BAK1: variants seen among roughly 807,000 people sequenced by gnomAD.
The protein encoded by BAK1 is bcl-2 homologous antagonist/killer.
In BAK1, 19 loss-of-function variants were observed where a neutral mutation model predicts 24.7. The ratio of observed to expected loss-of-function variants is 0.77; its 90% CI spans 0.54 to 1.13. The LOEUF is 1.13. Among genes scored for constraint, BAK1 ranks in the 50% most tolerant of loss-of-function variants. The pLI is 0.00. For missense variants in BAK1, 194 were observed against 279.4 expected (o/e 0.69, Z 2.18); for synonymous variants, 86 against 107.3 (o/e 0.80, Z 1.23).
rs1042048544 is a variant in BAK1 at position 33,573,491 on chromosome 6, G to A, written c.*312C>T. The A allele has an allele frequency of 2.0e-4, 78 of 384,580 alleles. No individual in the cohort carries two copies. Among genetic ancestry groups the A allele is most frequent in the African/African-American group, 1.5e-3 (76 of 50,302 alleles). The allele number at this position is 384,580 out of a possible 1,614,324, so 23.8% of individuals were successfully genotyped here. A position where few individuals can be genotyped will look rare whatever the true frequency, so the allele number is the denominator to read the frequency against. ...ACTTTCTGGGGAGAAGTGGCTCCCA[G>A]TCTCTTGCCTCCCCAAGTTATCAGT... is the stretch of plus-strand genomic sequence containing the variant. On this transcript the variant is annotated 3_prime_UTR_variant, in exon 6 of 6. Coordinates refer to ENST00000374467, the MANE Select transcript of BAK1 (RefSeq NM_001188.4).
Position 33,574,494 on chromosome 6 carries a change from C to T in BAK1, c.351-280G>A, listed in dbSNP as rs1451829630. On this transcript the variant is annotated intron_variant, in intron 4 of 5. Coordinates refer to ENST00000374467, the MANE Select transcript of BAK1 (RefSeq NM_001188.4). Reference sequence around the variant, plus strand: ...GGGCAGAGCAAGTGGATGGAGTCAGCGGGGAGATTACCTGTGGGTGTTGCT... The same window carrying T: ...GGGCAGAGCAAGTGGATGGAGTCAGTGGGGAGATTACCTGTGGGTGTTGCT... 14 of 1,457,942 alleles carry T rather than the reference C, an allele frequency of 9.6e-6. 1 individual carries two copies. The Middle Eastern group carries it at 1.1e-3, about 111-fold the overall frequency. 90.3% of individuals were successfully genotyped at this position (1,457,942 alleles called of 1,614,324 possible).
At position 33,575,672 on chromosome 6, in the gene BAK1, G is replaced by A; in HGVS notation, c.206+121C>T. ...GGTGGGAGCCCAACATAAAAGAGGA[G>A]CAACCATGAGAGAAGGGCAAGACCC... On this transcript the variant is annotated intron_variant, in intron 3 of 5. Transcript: ENST00000374467. This position sits in a 1 kb window ranked among gnomAD's most constrained non-coding sequence, Gnocchi z 6.3. The A allele has an allele frequency of 6.8e-7, 1 of 1,460,854 alleles. No individual in the cohort carries two copies. The highest frequency in any genetic ancestry group is 9.2e-7 in the Non-Finnish European group (1 of 1,084,242). 90.5% of individuals were successfully genotyped at this position (1,460,854 alleles called of 1,614,324 possible).
rs1243402844 is a variant in BAK1, at chr6:33,575,947, A to T, written c.71-19T>A. On this transcript the variant is annotated intron_variant, in intron 2 of 5. Transcript: ENST00000374467. This position sits in a 1 kb window ranked among gnomAD's most constrained non-coding sequence, Gnocchi z 6.3. ...TGCTCCTCTGAGGATCAAAGCTGGG[A>T]GTCAGGGAGAGAGGGCCGAACCCTG... The T allele has an allele frequency of 6.2e-7, 1 of 1,613,926 alleles. No individual in the cohort carries two copies. Among genetic ancestry groups the T allele is most frequent in the African/African-American group, 1.3e-5 (1 of 75,026 alleles).
In BAK1 at chr6:33,575,155, G is replaced by A. The variant is rs2151255522; in HGVS notation, c.350+143C>T. 7.7e-7 allele frequency: 1 copy of A among 1,292,428 alleles called. No homozygotes were observed. The highest frequency in any genetic ancestry group is 1.9e-5 in the Admixed American group (1 of 53,916). The allele number at this position is 1,292,428 out of a possible 1,614,324, so 80.1% of individuals were successfully genotyped here. On this transcript the variant is annotated intron_variant, in intron 4 of 5. Coordinates refer to ENST00000374467, the MANE Select transcript of BAK1 (RefSeq NM_001188.4). The surrounding 1 kb of genome is among the most constrained non-coding windows in gnomAD (Gnocchi z 6.3). ...CCGAAAGAGAAAAATAGGGGGCCGAGACCACATGTGAGTTCACAGCAGACA... is the reference window on the plus strand; with the variant it reads ...CCGAAAGAGAAAAATAGGGGGCCGAAACCACATGTGAGTTCACAGCAGACA...
At chr6:33,574,595 T>TA (rs1762812544) in intron 4 of BAK1, 2 of 1,277,438 alleles carry the variant, frequency 1.6e-6, no homozygotes, top group African/African-American at 1.5e-5. Context: ...ATCACAGTGG[T>TA]ATGAAGGCTG....
At chr6:33,576,358 T>C (rs986417802) in intron 2 of BAK1, among the ~76,000 whole-genome samples, 46 of 130,202 alleles carry the variant, frequency 3.5e-4, no homozygotes, top group South Asian at 7.3e-4. Flanking sequence ...TGGCCGGGTG[T>C]GGTGGCTCAT....
Position 33,578,267 on chromosome 6 carries a change from T to C in BAK1, c.-31-632A>G, listed in dbSNP as rs866122583. Among the ~76,000 whole-genome samples the C allele has an allele frequency of 6.6e-6, 1 of 152,080 alleles. No individual in the cohort carries two copies. The highest frequency in any genetic ancestry group is 2.1e-4 in the South Asian group (1 of 4,826). On this transcript the variant is annotated intron_variant, in intron 1 of 5. Transcript: ENST00000374467. The surrounding 1 kb of genome is among the most constrained non-coding windows in gnomAD (Gnocchi z 4.8). ...CATTTCCTGAGAGCCTAAGATATAC[T>C]CTCCCACTTAGGAGCACTCTGTGGG...
In BAK1 at chr6:33,577,510, G is replaced by A; in HGVS notation, c.70+25C>T. On this transcript the variant is annotated intron_variant, in intron 2 of 5. Transcript: ENST00000374467. The surrounding 1 kb of genome is among the most constrained non-coding windows in gnomAD (Gnocchi z 4.6). ...CGACAGCACTCATGGTTATGGGATGGGTGAGGGGGCAGGAAGACCCTTACC... is the reference window on the plus strand; with the variant it reads ...CGACAGCACTCATGGTTATGGGATGAGTGAGGGGGCAGGAAGACCCTTACC... The A allele has an allele frequency of 6.5e-7, 1 of 1,534,268 alleles. No homozygotes were observed.
At position 33,578,888 on chromosome 6, in the gene BAK1, G is replaced by A. The variant is rs1006451161; in HGVS notation, c.-32+1137C>T. On this transcript the variant is annotated intron_variant, in intron 1 of 5. Coordinates refer to ENST00000374467, the MANE Select transcript of BAK1 (RefSeq NM_001188.4). The surrounding 1 kb of genome is among the most constrained non-coding windows in gnomAD (Gnocchi z 4.8). ...CCAAGCACACAGCCCCACCCCCACC[G>A]CCCAGGGCCTGGGGACCTTCGCCCA... is the stretch of plus-strand genomic sequence containing the variant. Among the ~76,000 whole-genome samples the A allele has an allele frequency of 1.3e-5, 2 of 151,826 alleles. No homozygotes were observed. Among genetic ancestry groups the A allele is most frequent in the African/African-American group, 4.8e-5 (2 of 41,324 alleles).
At position 33,575,740 on chromosome 6, in the gene BAK1, C is replaced by T. The variant is rs1424212631; in HGVS notation, c.206+53G>A. 18 of 1,596,324 alleles carry T rather than the reference C, an allele frequency of 1.1e-5. No individual in the cohort carries two copies. The highest frequency in any genetic ancestry group is 3.4e-5 in the Admixed American group (2 of 59,106). On this transcript the variant is annotated intron_variant, in intron 3 of 5. Transcript: ENST00000374467. The surrounding 1 kb of genome is among the most constrained non-coding windows in gnomAD (Gnocchi z 6.3). ...CCCAGGACCTGCACAGAGACCCATG[C>T]GAGCTACTGCCTCCCTGAAGATGTC...
chr6:33,578,944 C>T lies in BAK1; in HGVS notation c.-32+1081G>A, dbSNP rs1478151730. ...CTTCCGCTAGGCCTGGGAGTGTTTT[C>T]GAAAGTGCCCCAAGAGCTCTCAAGA... is the stretch of plus-strand genomic sequence containing the variant. On this transcript the variant is annotated intron_variant, in intron 1 of 5. Transcript: ENST00000374467. This position sits in a 1 kb window ranked among gnomAD's most constrained non-coding sequence, Gnocchi z 4.8. Among the ~76,000 whole-genome samples the T allele has an allele frequency of 2.6e-5, 4 of 152,054 alleles. No individual in the cohort carries two copies. The highest frequency in any genetic ancestry group is 4.8e-5 in the African/African-American group (2 of 41,392).
chr6:33,574,604 T>C, intron 4 of BAK1: 1 of 1,241,568 alleles, frequency 8.1e-7, no homozygotes, highest in Non-Finnish European at 1.1e-6. Flanking sequence ...GTATGAAGGC[T>C]GGCCTCTAAG....
In BAK1 at chr6:33,577,146, A is replaced by G. The variant is rs935579373; in HGVS notation, c.70+389T>C. Among the ~76,000 whole-genome samples the G allele has an allele frequency of 2.6e-5, 4 of 152,020 alleles. No homozygotes were observed. The highest frequency in any genetic ancestry group is 1.3e-4 in the Admixed American group (2 of 15,274). On this transcript the variant is annotated intron_variant, in intron 2 of 5. Coordinates refer to ENST00000374467, the MANE Select transcript of BAK1 (RefSeq NM_001188.4). This position sits in a 1 kb window ranked among gnomAD's most constrained non-coding sequence, Gnocchi z 4.6. The stretch of plus-strand genomic sequence containing the variant: ...TCTTACTTCCTCCCCAAGTCACAAT[A>G]ATTGCGTTCCCTGTTGAGCAGACCT...
At chr6:33,574,426 C>T in intron 4 of BAK1, 1 of 1,496,148 alleles carries the variant, frequency 6.7e-7, no homozygotes, top group Non-Finnish European at 9.0e-7. Flanking sequence ...GATGCCACTG[C>T]TGGGGTGTAC....
rs1450407502 is a variant in BAK1 at position 33,573,851 on chromosome 6, A to G, written c.588T>C (p.Gly196=). 6.2e-7 allele frequency: 1 copy of G among 1,614,082 alleles called. No individual in the cohort carries two copies. Among genetic ancestry groups the G allele is most frequent in the Non-Finnish European group, 8.5e-7 (1 of 1,179,998 alleles). The part of the protein sequence containing the change: ...GPILNVLVVL[G]VVLLGQFVVR... ...CCACAAACTGGCCCAACAGAACCAC[A>G]CCCAGAACCACCAGCACGTTCAGGA... The change falls in exon 6 of 6, where the codon GGT becomes GGC. Residue 196 remains glycine, a synonymous_variant. Transcript: ENST00000374467.
intron 4 of BAK1, chr6:33,574,420 C>T: frequency 1.3e-6 from 2 of 1,491,798 alleles, no homozygotes; most frequent in East Asian, 2.5e-5. Context: ...GAGCTGGATG[C>T]CACTGCTGGG....
chr6:33,573,836 G>T lies in BAK1; in HGVS notation c.603C>A (p.Gly201=), dbSNP rs1762799916. ...TGAAGAATCTTCGTACCACAAACTG[G>T]CCCAACAGAACCACACCCAGAACCA... ...VLVVLGVVLL[G]QFVVRRFFKS is the part of the protein sequence containing the mutation. Residue 201 remains glycine (G), a synonymous_variant, in exon 6 of 6, where the codon GGC becomes GGA. Transcript: ENST00000374467. 3.1e-6 allele frequency: 5 copies of T among 1,614,110 alleles called. No individual in the cohort carries two copies. The highest frequency in any genetic ancestry group is 4.2e-6 in the Non-Finnish European group (5 of 1,179,948).
Position 33,572,637 on chromosome 6 carries a change from G to T in BAK1, c.*1166C>A. 1 of 152,806 alleles carries T rather than the reference G, an allele frequency of 6.5e-6. No individual in the cohort carries two copies. The highest frequency in any genetic ancestry group is 1.5e-5 in the Non-Finnish European group (1 of 68,082). 9.5% of individuals were successfully genotyped at this position (152,806 alleles called of 1,614,324 possible). On this transcript the variant is annotated 3_prime_UTR_variant, in exon 6 of 6. Transcript: ENST00000374467. ...CATCTGCCTCCCCTCCCTGCATTTG[G>T]CTGAATCAAGAACTTCTCCCCCCTG... is the stretch of plus-strand genomic sequence containing the variant.
intron 2 of BAK1, among the ~76,000 whole-genome samples, chr6:33,576,980 G>A (rs1762858986): frequency 6.6e-6 from 1 of 152,234 alleles, no homozygotes; most frequent in Non-Finnish European, 1.5e-5. Context: ...ATCTGAATTT[G>A]TAGCTGCGGC....
Sources: allele counts gnomAD v4.1 joint callset (sites outside exome capture counted in the v4.1 genomes callset), GRCh38; gene constraint gnomAD v4.1.1; non-coding constraint Gnocchi (gnomAD v3.1); transcripts MANE v1.5; gene names NCBI Gene and HGNC (gene_info 2026-07-23, HGNC 2026-07-21).